CHST8: variants seen among roughly 807,000 people sequenced by gnomAD.
The protein encoded by CHST8 is carbohydrate sulfotransferase 8.
CHST8 carries 10 observed loss-of-function variants against 15.0 expected under a neutral mutation model. The observed-to-expected ratio is 0.67, with a 90% CI of 0.41 to 1.13. The LOEUF is 1.13. Ranked by LOEUF, CHST8 falls within the 50% of genes most tolerant of loss-of-function variation. CHST8 has a pLI of 0.00. For missense variants in CHST8, 634 were observed against 608.2 expected (o/e 1.04, Z -0.45); for synonymous variants, 259 against 256.6 (o/e 1.01, Z -0.09).
At chr19:33,688,835 T>G (rs1973037347) in intron 2 of CHST8, among the ~76,000 whole-genome samples, 1 of 152,118 alleles carries the variant, frequency 6.6e-6, no homozygotes, top group Non-Finnish European at 1.5e-5. Flanking sequence ...CATGCTTATT[T>G]GGAGGCCTGG....
intron 3 of CHST8, among the ~76,000 whole-genome samples, chr19:33,739,409 A>T (rs889601896): frequency 6.6e-6 from 1 of 152,198 alleles, no homozygotes; most frequent in African/African-American, 2.4e-5. Flanking sequence ...CTGAGTGGCC[A>T]GTTGTCTTCC....
At chr19:33,724,054 T>C (rs1247735270) in intron 3 of CHST8, among the ~76,000 whole-genome samples, 1 of 152,142 alleles carries the variant, frequency 6.6e-6, no homozygotes, top group Non-Finnish European at 1.5e-5. Flanking sequence ...AGGTCTTGCG[T>C]CTCAGGCACT....
At position 33,627,091 on chromosome 19, in the gene CHST8, C is replaced by CTT. The variant is rs140038966; in HGVS notation, c.-164+4801_-164+4802dup. On this transcript the variant is annotated intron_variant, in intron 1 of 4. Coordinates refer to ENST00000650847, the MANE Select transcript of CHST8 (RefSeq NM_001127895.2). ...AGATGTGAGCCAGCATGCCTGTCCT[C>CTT]TTTTTTTGGGGGGGGGGCGGGTGGG... 4.1e-4 allele frequency among the ~76,000 whole-genome samples: 42 copies of CTT among 103,612 alleles called. 1 individual carries two copies. Among genetic ancestry groups the CTT allele is most frequent in the African/African-American group, 1.5e-3 (40 of 26,912 alleles). 68.0% of individuals were successfully genotyped at this position (103,612 alleles called of 152,430 possible). A position where few individuals can be genotyped will look rare whatever the true frequency, so the allele number is the denominator to read the frequency against.
intron 3 of CHST8, among the ~76,000 whole-genome samples, chr19:33,722,067 AGATGGATG>A (rs142959239): frequency 3.3e-4 from 24 of 73,668 alleles, no homozygotes; most frequent in African/African-American, 7.0e-4. Context: ...CTGATGGATG[AGATGGATG>A]GATGGATGGA....
chr19:33,753,217 A>G (rs1326622515), intron 3 of CHST8, among the ~76,000 whole-genome samples: 2 of 151,896 alleles, frequency 1.3e-5, no homozygotes, highest in African/African-American at 2.4e-5. Flanking sequence ...GAGCCTGCCT[A>G]TGTAGCCTGC....
At chr19:33,636,758 G>T (rs1972209546) in intron 1 of CHST8, among the ~76,000 whole-genome samples, 1 of 152,044 alleles carries the variant, frequency 6.6e-6, no homozygotes, top group South Asian at 2.1e-4. Context: ...AAAATTAGCC[G>T]GGCATGGGGG....
chr19:33,747,524 G>A (rs284686), intron 3 of CHST8, among the ~76,000 whole-genome samples: 69,736 of 151,786 alleles, frequency 0.46, 16,263 homozygotes, highest in Middle Eastern at 0.49. Context: ...TAAACAATAC[G>A]TTGCTTAGGG....
At position 33,772,553 on chromosome 19, in the gene CHST8, C is replaced by T; in HGVS notation, c.765C>T (p.Leu255=). Residue 255 remains leucine (L), a synonymous_variant, in exon 5 of 5, where the codon CTC becomes CTT. Transcript: ENST00000650847. ...GTCTCAGCACCTACACCAAGATGCT[C>T]TTTGTCCGCGAGCCCTTCGAGAGGC... is the stretch of plus-strand genomic sequence containing the variant. The part of the protein sequence containing the change: ...LHRLSTYTKM[L]FVREPFERLV... The T allele has an allele frequency of 1.2e-6, 2 of 1,614,096 alleles. No homozygotes were observed. The highest frequency in any genetic ancestry group is 1.7e-6 in the Non-Finnish European group (2 of 1,180,036).
chr19:33,623,269 C>G (rs973511809), intron 1 of CHST8, among the ~76,000 whole-genome samples: 1 of 152,234 alleles, frequency 6.6e-6, no homozygotes, highest in African/African-American at 2.4e-5. Flanking sequence ...GAAGTAGGCG[C>G]CGATCCTGGG....
At chr19:33,766,539 C>G (rs376760678) in intron 3 of CHST8, among the ~76,000 whole-genome samples, 23 of 152,338 alleles carry the variant, frequency 1.5e-4, no homozygotes, top group African/African-American at 5.3e-4. Context: ...GGTGTGGGAG[C>G]TGCTTCTTCC....
chr19:33,686,838 C>T (rs545621160), intron 2 of CHST8, among the ~76,000 whole-genome samples: 1 of 152,326 alleles, frequency 6.6e-6, no homozygotes, highest in African/African-American at 2.4e-5. Flanking sequence ...CACTGGCCGG[C>T]ATGCACCCGG....
At chr19:33,648,859 C>G (rs1318817073) in intron 1 of CHST8, among the ~76,000 whole-genome samples, 1 of 148,286 alleles carries the variant, frequency 6.7e-6, no homozygotes, top group Non-Finnish European at 1.5e-5. Context: ...ATGTGTATAT[C>G]TGTACAATGC....
chr19:33,751,134 G>T (rs1974411241), intron 3 of CHST8, among the ~76,000 whole-genome samples: 1 of 152,194 alleles, frequency 6.6e-6, no homozygotes. Flanking sequence ...TGGCCAAAAA[G>T]CCTTCCCAGC....
chr19:33,642,673 A>C (rs879590378), intron 1 of CHST8, among the ~76,000 whole-genome samples: 2 of 152,210 alleles, frequency 1.3e-5, no homozygotes, highest in Non-Finnish European at 2.9e-5. Flanking sequence ...AGGAGTCTTA[A>C]AGATTCCCTG....
intron 3 of CHST8, among the ~76,000 whole-genome samples, chr19:33,700,701 A>G (rs965498169): frequency 2.0e-5 from 3 of 152,292 alleles, no homozygotes; most frequent in African/African-American, 4.8e-5. Context: ...AGGCCAGGCC[A>G]GCCATCATTA....
At chr19:33,665,880 A>C (rs918261212) in intron 1 of CHST8, among the ~76,000 whole-genome samples, 16 of 152,244 alleles carry the variant, frequency 1.1e-4, no homozygotes, top group Admixed American at 6.5e-5. Context: ...AGCTCTGGGC[A>C]GGCAGCAGAC....
chr19:33,729,686 T>G (rs1973961392), intron 3 of CHST8, among the ~76,000 whole-genome samples: 1 of 152,196 alleles, frequency 6.6e-6, no homozygotes, highest in Non-Finnish European at 1.5e-5. Flanking sequence ...CAAACCTGGT[T>G]GCAACAGAGA....
intron 1 of CHST8, among the ~76,000 whole-genome samples, chr19:33,639,695 T>C (rs541766671): frequency 6.6e-6 from 1 of 152,158 alleles, no homozygotes; most frequent in African/African-American, 2.4e-5. Context: ...AGAAGCTGTG[T>C]TCTCAGGCTG....
At chr19:33,632,287 C>T (rs1040230758) in intron 1 of CHST8, among the ~76,000 whole-genome samples, 6 of 151,866 alleles carry the variant, frequency 4.0e-5, no homozygotes, top group East Asian at 1.9e-4. Context: ...CTACAAGCTC[C>T]CATCGCCATG....
Sources: gnomAD v4.1 joint callset for allele counts (sites outside exome capture counted in the v4.1 genomes callset) on GRCh38, gnomAD v4.1.1 for gene constraint, MANE v1.5 for transcripts, NCBI Gene and HGNC (gene_info 2026-07-23, HGNC 2026-07-21) for gene names.